The following LYPLAL1 variants were observed in gnomAD, a reference collection of about 807,000 sequenced individuals.
The protein encoded by LYPLAL1 is lysophospholipase-like protein 1.
A neutral mutation model predicts 19.7 loss-of-function variants in LYPLAL1; 23 were observed. The observed-to-expected ratio is 1.17, with a 90% confidence interval of 0.84 to 1.65. The LOEUF is 1.65. Among genes scored for constraint, LYPLAL1 ranks in the 40% most tolerant of loss-of-function variants. The pLI, the probability that LYPLAL1 is intolerant of heterozygous loss-of-function variation, is 0.00. For synonymous variants in LYPLAL1, 119 were observed against 96.3 expected (o/e 1.24, Z -1.38); for missense variants, 355 against 279.4 (o/e 1.27, Z -1.93).
At chr1:219,220,160 G>A in the LYPLAL1 span, among the ~76,000 whole-genome samples, 1 of 152,080 alleles carries the variant, frequency 6.6e-6, no homozygotes, top group Non-Finnish European at 1.5e-5. Flanking sequence ...AGATACAAAA[G>A]GGACTAGAGC....
chr1:219,422,395 T>C, the LYPLAL1 span, among the ~76,000 whole-genome samples: 2 of 152,172 alleles, frequency 1.3e-5, no homozygotes, highest in Admixed American at 1.3e-4. Context: ...ATCAGCTTCC[T>C]TCCTGAAAGA....
At chr1:219,258,600 A>G in the LYPLAL1 span, among the ~76,000 whole-genome samples, 1 of 152,036 alleles carries the variant, frequency 6.6e-6, no homozygotes, top group African/African-American at 2.4e-5. Flanking sequence ...TTTTATCTTT[A>G]TACAGTTTTT....
the LYPLAL1 span, among the ~76,000 whole-genome samples, chr1:219,240,650 T>G: frequency 6.6e-6 from 1 of 152,178 alleles, no homozygotes; most frequent in Non-Finnish European, 1.5e-5. Flanking sequence ...AATGAATACT[T>G]TAGCACTAAA....
the LYPLAL1 span, among the ~76,000 whole-genome samples, chr1:219,423,293 T>A: frequency 6.6e-5 from 10 of 152,132 alleles, no homozygotes; most frequent in Non-Finnish European, 7.4e-5. Context: ...ACCCAAAATG[T>A]CCATAGACAT....
chr1:219,344,330 T>C, the LYPLAL1 span, among the ~76,000 whole-genome samples: 2 of 152,186 alleles, frequency 1.3e-5, no homozygotes, highest in Non-Finnish European at 2.9e-5. Context: ...TGAAAGTGGC[T>C]CCTCCTTTGA....
the LYPLAL1 span, among the ~76,000 whole-genome samples, chr1:219,246,884 CCTAA>C: frequency 6.6e-6 from 1 of 152,164 alleles, no homozygotes; most frequent in Non-Finnish European, 1.5e-5. Flanking sequence ...CTGTGCCCGG[CCTAA>C]CTTACACTTT....
the LYPLAL1 span, among the ~76,000 whole-genome samples, chr1:219,241,706 A>G: frequency 6.6e-6 from 1 of 152,200 alleles, no homozygotes; most frequent in Non-Finnish European, 1.5e-5. Flanking sequence ...ATTACTTACT[A>G]AGAAAGGGAG....
chr1:219,289,070 C>CGTT, the LYPLAL1 span, among the ~76,000 whole-genome samples: 36 of 102,972 alleles, frequency 3.5e-4, no homozygotes, highest in Non-Finnish European at 7.4e-4. Flanking sequence ...CAAGTTACCT[C>CGTT]TTGTTTTGTT....
At chr1:219,302,465 G>C in the LYPLAL1 span, among the ~76,000 whole-genome samples, 6 of 152,152 alleles carry the variant, frequency 3.9e-5, no homozygotes, top group Non-Finnish European at 8.8e-5. Flanking sequence ...TGTTGGTGAG[G>C]TGTAGGAGGA....
At chr1:219,396,654 T>C in the LYPLAL1 span, among the ~76,000 whole-genome samples, 1 of 152,216 alleles carries the variant, frequency 6.6e-6, no homozygotes, top group African/African-American at 2.4e-5. Flanking sequence ...CCTGGTTAAC[T>C]GTATTCCTAG....
the LYPLAL1 span, among the ~76,000 whole-genome samples, chr1:219,277,857 A>C: frequency 6.6e-6 from 1 of 152,212 alleles, no homozygotes; most frequent in African/African-American, 2.4e-5. Context: ...TTTGTCCAAA[A>C]ACAAATCTGG....
chr1:219,347,634 A>G, the LYPLAL1 span, among the ~76,000 whole-genome samples: 1 of 152,244 alleles, frequency 6.6e-6, no homozygotes, highest in Non-Finnish European at 1.5e-5. Flanking sequence ...GCTGTGATCT[A>G]CAAAATATTT....
rs753267112 is a variant in LYPLAL1 at position 219,211,480 on chromosome 1, C to A, written c.478-12C>A. On this transcript the variant is annotated splice_polypyrimidine_tract_variant and intron_variant, in intron 4 of 4. Transcript: ENST00000366928. ...TTCTTAAACTTTTCTGTCTTTGTATCTTCTTCTCTAGGCTCTTCAGAAGAG... is the reference window on the plus strand; with the variant it reads ...TTCTTAAACTTTTCTGTCTTTGTATATTCTTCTCTAGGCTCTTCAGAAGAG... The A allele has an allele frequency of 2.0e-6, 3 of 1,494,740 alleles. No homozygotes were observed. Among genetic ancestry groups the A allele is most frequent in the African/African-American group, 2.8e-5 (2 of 71,132 alleles). 92.6% of individuals were successfully genotyped at this position (1,494,740 alleles called of 1,614,324 possible).
At chr1:219,365,407 T>C in the LYPLAL1 span, among the ~76,000 whole-genome samples, 1 of 152,198 alleles carries the variant, frequency 6.6e-6, no homozygotes, top group South Asian at 2.1e-4. Flanking sequence ...AAGTTGGCAA[T>C]ACACTTTCTG....
chr1:219,213,402 G>C (rs1572221826), downstream of LYPLAL1, among the ~76,000 whole-genome samples: 1 of 143,884 alleles, frequency 7.0e-6, no homozygotes, highest in Non-Finnish European at 1.5e-5. Flanking sequence ...GACTGTTTTT[G>C]TTCCTTTCCT....
chr1:219,439,380 A>G, the LYPLAL1 span, among the ~76,000 whole-genome samples: 3 of 152,272 alleles, frequency 2.0e-5, no homozygotes, highest in African/African-American at 7.2e-5. Flanking sequence ...CTGATGTTCA[A>G]CACCTCCTCA....
chr1:219,211,631 T>A lies in LYPLAL1; in HGVS notation c.617T>A (p.Phe206Tyr). 1.2e-6 allele frequency: 2 copies of A among 1,613,478 alleles called. No individual in the cohort carries two copies. The highest frequency in any genetic ancestry group is 1.7e-6 in the Non-Finnish European group (2 of 1,179,584). Residue 206 changes from phenylalanine to tyrosine, a missense_variant, in exon 5 of 5, where the codon TTT becomes TAT. Physicochemically the swap from Phe to Tyr is conservative, Grantham distance 22. Transcript: ENST00000366928. ...SLGVTTKFHS[F>Y]PNVYHELSKT... is the part of the protein sequence containing the mutation. ...GGAGTGACCACGAAGTTTCATAGTTTTCCAAATGTTTACCATGAGCTAAGC... is the reference window on the plus strand; with the variant it reads ...GGAGTGACCACGAAGTTTCATAGTTATCCAAATGTTTACCATGAGCTAAGC...
chr1:219,262,674 CTGTGA>C, the LYPLAL1 span, among the ~76,000 whole-genome samples: 1 of 152,154 alleles, frequency 6.6e-6, no homozygotes, highest in Non-Finnish European at 1.5e-5. Context: ...GCAAAGAGTC[CTGTGA>C]TGTGATTCAT....
At chr1:219,216,270 T>C (rs1320195372), downstream of LYPLAL1, among the ~76,000 whole-genome samples, 1 of 152,174 alleles carries the variant, frequency 6.6e-6, no homozygotes, top group Non-Finnish European at 1.5e-5. Flanking sequence ...GGTAGTATTT[T>C]GTTGGTCCCT....
Sources: gnomAD v4.1 joint callset for allele counts (sites outside exome capture counted in the v4.1 genomes callset) on GRCh38, gnomAD v4.1.1 for gene constraint, MANE v1.5 for transcripts, NCBI Gene and HGNC (gene_info 2026-07-23, HGNC 2026-07-21) for gene names.